Variants in RSRC1 observed in about 807,000 individuals in gnomAD.
RSRC1 encodes arginine and serine rich coiled-coil 1.
RSRC1 carries 39 observed loss-of-function variants against 49.1 expected under a neutral mutation model. The ratio of observed to expected loss-of-function variants is 0.79; its 90% CI spans 0.61 to 1.04. The LOEUF is 1.04. Ranked by LOEUF, RSRC1 falls within the 50% of genes least tolerant of loss-of-function variation. The pLI, the probability that RSRC1 is intolerant of heterozygous loss-of-function variation, is 0.00. For synonymous variants in RSRC1, 143 were observed against 130.8 expected (o/e 1.09, Z -0.63); for missense variants, 388 against 402.4 (o/e 0.96, Z 0.31).
At chr3:158,388,500 CA>C (rs1016088263) in intron 6 of RSRC1, among the ~76,000 whole-genome samples, 4 of 151,432 alleles carry the variant, frequency 2.6e-5, no homozygotes, top group African/African-American at 9.7e-5. Flanking sequence ...GGAAACTTGT[CA>C]AAAATTTCAT....
intron 3 of RSRC1, among the ~76,000 whole-genome samples, chr3:158,173,658 A>G (rs924919159): frequency 3.9e-5 from 6 of 152,022 alleles, no homozygotes; most frequent in African/African-American, 7.2e-5. Context: ...AGACTTGCAC[A>G]TGAATGTTCT....
chr3:158,301,269 G>T (rs1033055459), intron 5 of RSRC1, among the ~76,000 whole-genome samples: 3 of 151,964 alleles, frequency 2.0e-5, no homozygotes, highest in Non-Finnish European at 4.4e-5. Flanking sequence ...AGACTTTGAA[G>T]GCTGTTGCTC....
At chr3:158,293,069 A>G (rs1371485336) in intron 4 of RSRC1, among the ~76,000 whole-genome samples, 1 of 152,116 alleles carries the variant, frequency 6.6e-6, no homozygotes, top group Non-Finnish European at 1.5e-5. Flanking sequence ...CTTTCTGACC[A>G]AAGTAAAAGT....
At chr3:158,332,492 A>G (rs1203706463) in intron 5 of RSRC1, among the ~76,000 whole-genome samples, 2 of 152,196 alleles carry the variant, frequency 1.3e-5, no homozygotes, top group African/African-American at 4.8e-5. Context: ...GTTAGATTAC[A>G]GGCAAAACTT....
At chr3:158,229,781 CT>C (rs974225056) in intron 4 of RSRC1, among the ~76,000 whole-genome samples, 10 of 90,828 alleles carry the variant, frequency 1.1e-4, no homozygotes, top group Non-Finnish European at 2.0e-4. Context: ...CTTTGTTTCT[CT>C]TGACTACACA....
At chr3:158,125,468 C>A (rs140003787) in intron 3 of RSRC1, among the ~76,000 whole-genome samples, 131 of 152,074 alleles carry the variant, frequency 8.6e-4, no homozygotes, top group African/African-American at 3.0e-3. Flanking sequence ...ATGATTTCTT[C>A]TTTGGTGTAT....
At chr3:158,508,320 T>G (rs1739966614) in intron 7 of RSRC1, among the ~76,000 whole-genome samples, 1 of 152,060 alleles carries the variant, frequency 6.6e-6, no homozygotes, top group Non-Finnish European at 1.5e-5. Context: ...TTTTTCTTCT[T>G]ATTTCTCCCT....
intron 6 of RSRC1, among the ~76,000 whole-genome samples, chr3:158,459,562 CA>C (rs1287988953): frequency 1.3e-5 from 2 of 152,136 alleles, no homozygotes; most frequent in East Asian, 3.9e-4. Flanking sequence ...GGTATATCTA[CA>C]ATTACACATA....
chr3:158,264,316 T>C (rs1345751273), intron 4 of RSRC1, among the ~76,000 whole-genome samples: 1 of 152,230 alleles, frequency 6.6e-6, no homozygotes, highest in African/African-American at 2.4e-5. Context: ...TTTCCAAATT[T>C]TGGAAGAGTT....
rs150796274 is a variant in RSRC1 at position 158,200,098 on chromosome 3, C to T, written c.321-2974C>T. ...TGTCACCCAGGCTGGAGTGCAGTGGCGCTATCTTGGCTCACTGCAAGCTCC... is the reference window on the plus strand; with the variant it reads ...TGTCACCCAGGCTGGAGTGCAGTGGTGCTATCTTGGCTCACTGCAAGCTCC... On this transcript the variant is annotated intron_variant, in intron 3 of 9. Coordinates refer to ENST00000611884, the MANE Select transcript of RSRC1 (RefSeq NM_001271838.2). 1.3e-3 allele frequency among the ~76,000 whole-genome samples: 196 copies of T among 152,098 alleles called. 2 individuals carry two copies. Among genetic ancestry groups the T allele is most frequent in the African/African-American group, 4.1e-3 (170 of 41,472 alleles).
intron 6 of RSRC1, among the ~76,000 whole-genome samples, chr3:158,385,510 C>T (rs1409177493): frequency 2.0e-5 from 3 of 152,120 alleles, no homozygotes; most frequent in African/African-American, 7.2e-5. Context: ...TTAGTTTTTC[C>T]CTACCTGGTT....
At chr3:158,140,752 G>T (rs969297388) in intron 3 of RSRC1, among the ~76,000 whole-genome samples, 6 of 152,156 alleles carry the variant, frequency 3.9e-5, no homozygotes, top group African/African-American at 1.4e-4. Context: ...TGTGCTACGT[G>T]TACTACCATG....
chr3:158,118,325 T>G (rs1211305898), intron 1 of RSRC1, among the ~76,000 whole-genome samples: 2 of 151,876 alleles, frequency 1.3e-5, no homozygotes, highest in African/African-American at 4.8e-5. Flanking sequence ...GTCATATCTT[T>G]TGGACTCAAG....
chr3:158,417,070 T>C (rs16828966), intron 6 of RSRC1, among the ~76,000 whole-genome samples: 11,096 of 152,028 alleles, frequency 0.073, 476 homozygotes, highest in South Asian at 0.13. Context: ...AGAGCAGAAA[T>C]GGTAAATATG....
chr3:158,155,108 A>G (rs1169921542), intron 3 of RSRC1, among the ~76,000 whole-genome samples: 2 of 152,002 alleles, frequency 1.3e-5, no homozygotes, highest in African/African-American at 2.4e-5. Flanking sequence ...CTTGGAGTCA[A>G]CTTCTTCCAT....
intron 7 of RSRC1, among the ~76,000 whole-genome samples, chr3:158,479,218 A>C (rs1489609479): frequency 6.7e-6 from 1 of 149,426 alleles, no homozygotes; most frequent in East Asian, 1.9e-4. Context: ...ATGCTTTTAA[A>C]TATAGTATTA....
At chr3:158,225,796 T>TA in intron 4 of RSRC1, 2 of 389,952 alleles carry the variant, frequency 5.1e-6, no homozygotes, top group Non-Finnish European at 1.0e-5. Flanking sequence ...TAATTACCTT[T>TA]AAAATAAGGA....
chr3:158,451,715 T>C (rs1245911741), intron 6 of RSRC1, among the ~76,000 whole-genome samples: 1 of 152,078 alleles, frequency 6.6e-6, no homozygotes. Flanking sequence ...TTCACTCCAG[T>C]GGTGCTTTTT....
At chr3:158,165,137 A>C (rs1162940262) in intron 3 of RSRC1, among the ~76,000 whole-genome samples, 1 of 152,176 alleles carries the variant, frequency 6.6e-6, no homozygotes, top group Non-Finnish European at 1.5e-5. Flanking sequence ...TTTGAGAAAG[A>C]TATTCATCTT....
Sources: allele counts gnomAD v4.1 joint callset (sites outside exome capture counted in the v4.1 genomes callset), GRCh38; gene constraint gnomAD v4.1.1; transcripts MANE v1.5; gene names NCBI Gene and HGNC (gene_info 2026-07-23, HGNC 2026-07-21).